Variants in FLNB observed in about 807,000 individuals in gnomAD.
FLNB encodes the protein filamin B, also known as filamin-B.
FLNB carries 111 observed loss-of-function variants against 250.6 expected under a neutral mutation model. The observed-to-expected ratio is 0.44, with a 90% CI of 0.38 to 0.52. The LOEUF (loss-of-function observed/expected upper bound fraction) is 0.52. Ranked by LOEUF, FLNB falls within the 20% of genes least tolerant of loss-of-function variation. The probability of loss-of-function intolerance (pLI) is 0.00; values close to 1 mark genes in which losing one functional copy is unlikely to be tolerated. For missense variants in FLNB, 2,869 were observed against 3,447.8 expected, an observed-to-expected ratio of 0.83 and a Z score of 4.20; for synonymous variants, 1,302 against 1,372.1, an observed-to-expected ratio of 0.95 and a Z score of 1.13.
chr3:58,102,294 C>T lies in FLNB; in HGVS notation c.1437C>T (p.Thr479=). The change falls in exon 9 of 46, where the codon ACC becomes ACT. Residue 479 remains threonine, a synonymous_variant. Transcript: ENST00000295956. ...IRETTDFKVD[T]KAAGSGELGV... ...AGACCACAGATTTCAAGGTTGACAC[C>T]AAAGCTGCAGGAAGTGGGGAGCTCG... 1.2e-6 allele frequency: 2 copies of T among 1,614,164 alleles called. No homozygotes were observed. Among genetic ancestry groups the T allele is most frequent in the Non-Finnish European group, 8.5e-7 (1 of 1,180,008 alleles).
chr3:58,013,036 T>A (rs979274961), intron 1 of FLNB, among the ~76,000 whole-genome samples: 4 of 152,206 alleles, frequency 2.6e-5, no homozygotes, highest in African/African-American at 9.6e-5. Context: ...TTACGTTTCT[T>A]GTTATGTGAT....
chr3:58,136,501 T>G (rs1425929709), intron 28 of FLNB, among the ~76,000 whole-genome samples: 3 of 152,154 alleles, frequency 2.0e-5, no homozygotes, highest in South Asian at 4.1e-4. Flanking sequence ...GCGGCTCCCA[T>G]GAAAAGCAGC....
chr3:58,063,481 G>A (rs1457798703), intron 1 of FLNB, among the ~76,000 whole-genome samples: 2 of 152,206 alleles, frequency 1.3e-5, no homozygotes, highest in Admixed American at 1.3e-4. Context: ...CTGAGCTAAA[G>A]ACAGGGCACA....
intron 11 of FLNB, 77 bp from the exon 12 acceptor site, chr3:58,106,603 G>A (rs888116794): frequency 7.9e-5 from 109 of 1,374,472 alleles, no homozygotes; most frequent in Non-Finnish European, 1.0e-4. Flanking sequence ...GGGAGGCAGC[G>A]GGAATGAGCT....
At chr3:58,132,701 GA>G (rs2097309491) in intron 25 of FLNB, 106 bp from the exon 26 acceptor site, 2 of 1,451,882 alleles carry the variant, frequency 1.4e-6, no homozygotes, top group Non-Finnish European at 1.9e-6. Flanking sequence ...CTCATCAGTG[GA>G]AACCAATAGC....
intron 34 of FLNB, 68 bp from the exon 35 acceptor site, chr3:58,148,138 G>T (rs1053450631): frequency 8.6e-6 from 13 of 1,507,816 alleles, no homozygotes; most frequent in Non-Finnish European, 1.2e-5. Flanking sequence ...ACAGCATATG[G>T]CATGGCAGCT....
At chr3:58,109,506 T>C (rs2097264955) in intron 14 of FLNB, 70 bp from the exon 15 acceptor site, 1 of 1,612,530 alleles carries the variant, frequency 6.2e-7, no homozygotes, top group Admixed American at 1.7e-5. Context: ...TTTCTAACAA[T>C]GTTTTTTAAT....
At chr3:58,170,507 C>T in intron 45 of FLNB, 68 bp from the exon 46 acceptor site, 3 of 1,509,288 alleles carry the variant, frequency 2.0e-6, no homozygotes, top group South Asian at 2.3e-5. Flanking sequence ...CTTTGGCTCT[C>T]ATATTTCCTC....
In FLNB at chr3:58,153,649, T is replaced by C. The variant is rs200284480; in HGVS notation, c.6634+8T>C. 118 of 1,613,894 alleles carry C rather than the reference T, an allele frequency of 7.3e-5. No homozygotes were observed. Among genetic ancestry groups the C allele is most frequent in the Non-Finnish European group, 9.1e-5 (107 of 1,179,928 alleles). On this transcript the variant is annotated splice_region_variant and intron_variant, in intron 39 of 45. Transcript: ENST00000295956. ...GAGAAGCGGGAGTCCCAGGTGAGCA[T>C]TGCGGGCAGGATTTTCACTTGGGAA... is the stretch of plus-strand genomic sequence containing the variant.
In FLNB at chr3:58,163,337, C is replaced by T. The variant is rs773573380; in HGVS notation, c.7198+7C>T. 2.5e-6 allele frequency: 4 copies of T among 1,613,836 alleles called. No individual in the cohort carries two copies. The highest frequency in any genetic ancestry group is 2.2e-5 in the South Asian group (2 of 91,078). On this transcript the variant is annotated splice_region_variant and intron_variant, in intron 43 of 45. Coordinates refer to ENST00000295956, the MANE Select transcript of FLNB (RefSeq NM_001457.4). ...CTCGAAGGGGGCACCACAGGTAACCCACTCTTCTGCTTCTTGAAGCCTTAA... is the reference window on the plus strand; with the variant it reads ...CTCGAAGGGGGCACCACAGGTAACCTACTCTTCTGCTTCTTGAAGCCTTAA...
Position 58,136,077 on chromosome 3 carries a change from T to G in FLNB, c.4770T>G (p.Ile1590Met), listed in dbSNP as rs1371800279. 6.2e-7 allele frequency: 1 copy of G among 1,614,226 alleles called. No homozygotes were observed. Among genetic ancestry groups the G allele is most frequent in the Non-Finnish European group, 8.5e-7 (1 of 1,180,042 alleles). ...YIPDKTGRYMIGVTYGGDDIP... is the reference protein window; with the variant it reads ...YIPDKTGRYMMGVTYGGDDIP... The stretch of plus-strand genomic sequence containing the variant: ...CCGACAAGACTGGGCGCTATATGAT[T>G]GGAGTCACCTACGGGGGTGACGACA... Residue 1590 changes from isoleucine to methionine, a missense_variant, in exon 28 of 46, where the codon ATT (isoleucine) becomes ATG (methionine). Physicochemically the swap from Ile to Met is conservative, Grantham distance 10. Around this residue, in one of 5 missense-constraint regions of FLNB, gnomAD observed 126 missense variants for 182.0 expected, o/e 0.69. Transcript: ENST00000295956.
chr3:58,017,371 C>T (rs2097107164), intron 1 of FLNB, among the ~76,000 whole-genome samples: 1 of 152,248 alleles, frequency 6.6e-6, no homozygotes, highest in South Asian at 2.1e-4. Context: ...CTGCCTCAGC[C>T]TCCCAAGTAG....
At chr3:58,069,028 A>G (rs1045916149) in intron 1 of FLNB, among the ~76,000 whole-genome samples, 2 of 151,714 alleles carry the variant, frequency 1.3e-5, no homozygotes, top group African/African-American at 4.8e-5. Context: ...CTGTAGTCCT[A>G]GCTACCCAGG....
At position 58,142,077 on chromosome 3, in the gene FLNB, C is replaced by T. The variant is rs1019395037; in HGVS notation, c.5181+148C>T. 9 of 737,456 alleles carry T rather than the reference C, an allele frequency of 1.2e-5. No individual in the cohort carries two copies. The highest frequency in any genetic ancestry group is 2.2e-5 in the Non-Finnish European group (9 of 405,842). 45.7% of individuals were successfully genotyped at this position (737,456 alleles called of 1,614,324 possible). On this transcript the variant is annotated intron_variant, in intron 30 of 45. Transcript: ENST00000295956. The surrounding 1 kb of genome is among the most constrained non-coding windows in gnomAD (Gnocchi z 4.3). ...TCACTGATCAGCCCATCACGATGATCCCTGCTTTTTCTGTAATAAGATCAC... is the reference window on the plus strand; with the variant it reads ...TCACTGATCAGCCCATCACGATGATTCCTGCTTTTTCTGTAATAAGATCAC...
chr3:58,093,816 C>A (rs1363021680), intron 4 of FLNB, among the ~76,000 whole-genome samples: 4 of 152,096 alleles, frequency 2.6e-5, no homozygotes, highest in Admixed American at 1.3e-4. Flanking sequence ...TTGACAGAAG[C>A]AACAACCTGG....
chr3:58,053,892 G>T (rs1361074686), intron 1 of FLNB, among the ~76,000 whole-genome samples: 1 of 152,240 alleles, frequency 6.6e-6, no homozygotes, highest in Non-Finnish European at 1.5e-5. Context: ...TAAAGACAGA[G>T]AAAGTGTTCA....
At chr3:58,116,673 C>T (rs2097278500) in intron 18 of FLNB, among the ~76,000 whole-genome samples, 1 of 152,138 alleles carries the variant, frequency 6.6e-6, no homozygotes, top group South Asian at 2.1e-4. Context: ...GAGGACCCTC[C>T]CAGAGGTCAA....
intron 25 of FLNB, chr3:58,131,786 A>G (rs1453512128): frequency 4.6e-6 from 3 of 655,654 alleles, no homozygotes; most frequent in African/African-American, 1.8e-5. Flanking sequence ...ACTGAGCTTC[A>G]GGACCTGCAT....
intron 1 of FLNB, among the ~76,000 whole-genome samples, chr3:58,019,666 G>T (rs1052180036): frequency 9.1e-5 from 13 of 142,862 alleles, no homozygotes; most frequent in African/African-American, 3.0e-4. Flanking sequence ...ACTGTTTTCT[G>T]CTTCTGTGGA....
Sources: gnomAD v4.1 joint callset for allele counts (sites outside exome capture counted in the v4.1 genomes callset) on GRCh38, gnomAD v4.1.1 for gene constraint, gnomAD v4.1.1 regional missense constraint, Gnocchi (gnomAD v3.1) non-coding constraint, MANE v1.5 for transcripts, NCBI Gene and HGNC (gene_info 2026-07-23, HGNC 2026-07-21) for gene names.